The following LRMDA variants were observed in gnomAD, a reference collection of about 807,000 sequenced individuals.
LRMDA encodes the protein leucine-rich melanocyte differentiation-associated protein.
A neutral mutation model predicts 29.8 loss-of-function variants in LRMDA; 18 were observed. The observed-to-expected ratio is 0.60, with a 90% CI of 0.42 to 0.90. The LOEUF (loss-of-function observed/expected upper bound fraction) is 0.90, where lower values mean the gene tolerates loss of function less well. Ranked by LOEUF, LRMDA falls within the 40% of genes least tolerant of loss-of-function variation. LRMDA has a pLI of 0.00. For synonymous variants in LRMDA, 125 were observed against 109.4 expected (o/e 1.14, Z -0.89); for missense variants, 273 against 273.9 (o/e 1.00, Z 0.02).
Position 75,859,617 on chromosome 10 carries a change from ACACACAC to A in LRMDA, c.132-176390_132-176384del, listed in dbSNP as rs1564588840. Among the ~76,000 whole-genome samples, 916 of 147,826 alleles carry A rather than the reference ACACACAC, an allele frequency of 6.2e-3. 14 individuals are homozygous for A. Among genetic ancestry groups the A allele is most frequent in the African/African-American group, 0.02 (764 of 38,992 alleles). Reference sequence around the variant, plus strand: ...TCAGGGCATACACACACACACACACACACACACACACACACACACACACACACACATA... The same window carrying A: ...TCAGGGCATACACACACACACACACAACACACACACACACACACACACATA... On this transcript the variant is annotated intron_variant, in intron 2 of 6. Transcript: ENST00000611255.
At chr10:75,693,697 T>A (rs908121859) in intron 2 of LRMDA, among the ~76,000 whole-genome samples, 1 of 152,208 alleles carries the variant, frequency 6.6e-6, no homozygotes, top group Non-Finnish European at 1.5e-5. Context: ...TTAATGCGCC[T>A]TATTCTCTTT....
intron 2 of LRMDA, among the ~76,000 whole-genome samples, chr10:75,513,252 C>T (rs1048938402): frequency 1.3e-5 from 2 of 152,178 alleles, no homozygotes; most frequent in Non-Finnish European, 2.9e-5. Flanking sequence ...CGTTCCATTC[C>T]ATTACGTGCA....
At chr10:76,376,990 A>G (rs1841530081) in intron 6 of LRMDA, among the ~76,000 whole-genome samples, 1 of 142,882 alleles carries the variant, frequency 7.0e-6, no homozygotes, top group Admixed American at 7.7e-5. Flanking sequence ...GGTTCACACC[A>G]TTCTCCTGCC....
chr10:76,322,591 G>GCA (rs1395550815), intron 5 of LRMDA, among the ~76,000 whole-genome samples: 3 of 152,186 alleles, frequency 2.0e-5, no homozygotes, highest in Admixed American at 6.5e-5. Context: ...CTAATGTGTA[G>GCA]CACAGTCAGA....
chr10:75,794,304 T>G (rs1322112588), intron 2 of LRMDA, among the ~76,000 whole-genome samples: 1 of 152,242 alleles, frequency 6.6e-6, no homozygotes, highest in African/African-American at 2.4e-5. Context: ...ATCATAAAAC[T>G]ATCCCATTTT....
intron 2 of LRMDA, among the ~76,000 whole-genome samples, chr10:75,937,026 G>A (rs1564611812): frequency 1.3e-5 from 2 of 152,080 alleles, no homozygotes; most frequent in Non-Finnish European, 2.9e-5. Context: ...TCTGTTTACT[G>A]GGTAAAAATG....
rs1554827933 is a variant in LRMDA, at chr10:75,821,771, A to AAAC, written c.132-214235_132-214234insCAA. On this transcript the variant is annotated intron_variant, in intron 2 of 6. Transcript: ENST00000611255. ...GCGACAGAGAGAGACTCCATCTCAA[A>AAAC]AAACAAACAAACAAACAAACAAACA... Among the ~76,000 whole-genome samples the AAAC allele has an allele frequency of 7.7e-3, 1,157 of 149,360 alleles. 87 individuals are homozygous for AAAC. The East Asian group carries it at 0.17, about 22-fold the overall frequency.
chr10:76,545,483 A>G (rs187104605), intron 6 of LRMDA, among the ~76,000 whole-genome samples: 1 of 151,870 alleles, frequency 6.6e-6, no homozygotes, highest in African/African-American at 2.4e-5. Context: ...TTTTCCTGCA[A>G]GTTATTTTTT....
At chr10:75,875,780 T>G (rs1845187095) in intron 2 of LRMDA, among the ~76,000 whole-genome samples, 1 of 152,214 alleles carries the variant, frequency 6.6e-6, no homozygotes, top group African/African-American at 2.4e-5. Context: ...ATAGTAGTGA[T>G]TGGACCATGG....
At chr10:76,512,413 A>G (rs1255476645) in intron 6 of LRMDA, among the ~76,000 whole-genome samples, 6 of 152,222 alleles carry the variant, frequency 3.9e-5, no homozygotes, top group African/African-American at 1.4e-4. Context: ...AAAATTCAGA[A>G]ATAAAGCCTT....
intron 2 of LRMDA, among the ~76,000 whole-genome samples, chr10:75,840,068 T>G (rs1844512534): frequency 6.6e-6 from 1 of 152,152 alleles, no homozygotes; most frequent in Admixed American, 6.5e-5. Context: ...GGGTAGACAC[T>G]TTTTTTCCCT....
intron 2 of LRMDA, chr10:75,743,628 T>C (rs1842857021): frequency 6.6e-6 from 1 of 152,208 alleles, no homozygotes; most frequent in African/African-American, 2.4e-5. Context: ...ACACTTCATT[T>C]TTCTCCTCTC....
chr10:75,914,089 G>A (rs1286313101), intron 2 of LRMDA, among the ~76,000 whole-genome samples: 1 of 152,098 alleles, frequency 6.6e-6, no homozygotes, highest in Non-Finnish European at 1.5e-5. Flanking sequence ...GATATCATCC[G>A]AAAAAAGCCT....
intron 2 of LRMDA, among the ~76,000 whole-genome samples, chr10:75,749,679 G>T (rs1359031471): frequency 6.6e-6 from 1 of 151,410 alleles, no homozygotes; most frequent in Non-Finnish European, 1.5e-5. Context: ...TCTCGGAGAG[G>T]GGGATTTGGC....
intron 6 of LRMDA, among the ~76,000 whole-genome samples, chr10:76,329,880 T>G (rs1486311227): frequency 6.6e-6 from 1 of 152,228 alleles, no homozygotes; most frequent in East Asian, 1.9e-4. Flanking sequence ...TAGCCTGAGA[T>G]ATCATAAAAT....
chr10:75,537,594 G>T (rs189340130), intron 2 of LRMDA, among the ~76,000 whole-genome samples: 31 of 152,332 alleles, frequency 2.0e-4, no homozygotes, highest in Admixed American at 2.0e-3. Flanking sequence ...AGCCAGGCCC[G>T]TAAGGATGGA....
Position 75,824,346 on chromosome 10 carries a change from G to A in LRMDA, c.132-211662G>A, listed in dbSNP as rs116430578. 6.1e-3 allele frequency among the ~76,000 whole-genome samples: 927 copies of A among 152,290 alleles called. 13 individuals carry two copies. Among genetic ancestry groups the A allele is most frequent in the African/African-American group, 0.021 (880 of 41,572 alleles). On this transcript the variant is annotated intron_variant, in intron 2 of 6. Transcript: ENST00000611255. ...AGGATTCAGCAAAGTATAGCTTACT[G>A]TCTATTTTTGTAATTAAAGTTGCCC...
At chr10:75,443,474 A>T (rs112582077) in intron 2 of LRMDA, among the ~76,000 whole-genome samples, 1 of 152,050 alleles carries the variant, frequency 6.6e-6, no homozygotes, top group African/African-American at 2.4e-5. Flanking sequence ...TTAATGTGGT[A>T]TATATTATAT....
chr10:75,638,821 GT>G (rs1193945049), intron 2 of LRMDA, among the ~76,000 whole-genome samples: 5 of 152,292 alleles, frequency 3.3e-5, no homozygotes, highest in East Asian at 3.9e-4. Flanking sequence ...GTTTAGTTGT[GT>G]TTTTTCCCCC....
Sources: allele counts gnomAD v4.1 joint callset (sites outside exome capture counted in the v4.1 genomes callset), GRCh38; gene constraint gnomAD v4.1.1; transcripts MANE v1.5; gene names NCBI Gene and HGNC (gene_info 2026-07-23, HGNC 2026-07-21).